Variants in DLGAP1 observed in about 807,000 individuals in gnomAD.
DLGAP1 encodes the protein disks large-associated protein 1.
DLGAP1 carries 11 observed loss-of-function variants against 90.8 expected under a neutral mutation model. The observed-to-expected ratio is 0.12, with a 90% confidence interval of 0.08 to 0.20. The LOEUF (loss-of-function observed/expected upper bound fraction) is 0.20, where lower values mean the gene tolerates loss of function less well. Among genes scored for constraint, DLGAP1 ranks in the 10% least tolerant of loss-of-function variants. DLGAP1 has a pLI of 1.00. For missense variants in DLGAP1, 1,050 were observed against 1,333.8 expected, an observed-to-expected ratio of 0.79 and a Z score of 3.31; for synonymous variants, 558 against 540.7, an observed-to-expected ratio of 1.03 and a Z score of -0.44.
At chr18:4,098,418 C>G (rs1297364795) in intron 2 of DLGAP1, among the ~76,000 whole-genome samples, 2 of 151,944 alleles carry the variant, frequency 1.3e-5, no homozygotes, top group African/African-American at 4.8e-5. Flanking sequence ...CTTTTATACC[C>G]CAGGAGATAA....
chr18:3,578,212 T>C (rs1314545433), intron 8 of DLGAP1, among the ~76,000 whole-genome samples: 1 of 152,154 alleles, frequency 6.6e-6, no homozygotes, highest in Admixed American at 6.5e-5. Context: ...ATGAATTAAA[T>C]GTAAAGTTTT....
chr18:4,452,280 G>C (rs2083853228), intron 1 of DLGAP1, among the ~76,000 whole-genome samples: 1 of 152,020 alleles, frequency 6.6e-6, no homozygotes, highest in Non-Finnish European at 1.5e-5. Context: ...CTCTGAATTT[G>C]AAATATTACG....
intron 7 of DLGAP1, among the ~76,000 whole-genome samples, chr18:3,592,843 CAAAAAAA>C (rs56871583): frequency 8.7e-3 from 369 of 42,600 alleles, no homozygotes; most frequent in East Asian, 0.023. Flanking sequence ...GACCCTGCCT[CAAAAAAA>C]AAAAAAAAAA....
chr18:3,909,865 T>C (rs1207079738), intron 3 of DLGAP1, among the ~76,000 whole-genome samples: 2 of 152,120 alleles, frequency 1.3e-5, no homozygotes, highest in Non-Finnish European at 2.9e-5. Context: ...CTTGCCTAGA[T>C]AATATGTTTA....
chr18:4,306,898 A>T (rs2080276156), intron 1 of DLGAP1, among the ~76,000 whole-genome samples: 1 of 152,108 alleles, frequency 6.6e-6, no homozygotes, highest in Admixed American at 6.5e-5. Context: ...GTTATAGGTA[A>T]ATGGTATAAA....
At chr18:4,007,048 G>C (rs182843796) in intron 2 of DLGAP1, among the ~76,000 whole-genome samples, 1 of 152,138 alleles carries the variant, frequency 6.6e-6, no homozygotes, top group Non-Finnish European at 1.5e-5. Context: ...GGAGTGAATG[G>C]GATAACAAGG....
chr18:4,387,922 A>ATC (rs200074222), intron 1 of DLGAP1, among the ~76,000 whole-genome samples: 2,388 of 31,550 alleles, frequency 0.076, 70 homozygotes, highest in East Asian at 0.24. Context: ...CAGAGACTCC[A>ATC]TCACACATAC....
intron 7 of DLGAP1, among the ~76,000 whole-genome samples, chr18:3,600,886 A>ATG (rs1491488302): frequency 2.7e-4 from 7 of 25,608 alleles, no homozygotes; most frequent in South Asian, 8.8e-4. Flanking sequence ...ATATAGATAG[A>ATG]TATATAGATA....
chr18:4,095,967 A>C (rs2075670902), intron 2 of DLGAP1, among the ~76,000 whole-genome samples: 1 of 152,170 alleles, frequency 6.6e-6, no homozygotes, highest in Non-Finnish European at 1.5e-5. Context: ...TGTTTACCTG[A>C]AACTGCCTGA....
chr18:3,507,016 G>A (rs1034546667), intron 11 of DLGAP1, among the ~76,000 whole-genome samples: 3 of 152,026 alleles, frequency 2.0e-5, no homozygotes, highest in South Asian at 2.1e-4. Context: ...AATTATAAAC[G>A]TGTGTGTATG....
chr18:3,619,510 T>A (rs1254373388), intron 7 of DLGAP1, among the ~76,000 whole-genome samples: 1 of 152,046 alleles, frequency 6.6e-6, no homozygotes, highest in Non-Finnish European at 1.5e-5. Flanking sequence ...GGAGACTGAG[T>A]AGGTGTTTGG....
intron 7 of DLGAP1, among the ~76,000 whole-genome samples, chr18:3,642,913 G>A (rs532622989): frequency 3.3e-5 from 5 of 152,264 alleles, no homozygotes; most frequent in East Asian, 1.9e-4. Context: ...GCTACTCTTC[G>A]ACACTTTCAC....
intron 3 of DLGAP1, among the ~76,000 whole-genome samples, chr18:3,992,268 T>C (rs1018372102): frequency 6.6e-5 from 10 of 152,250 alleles, no homozygotes; most frequent in African/African-American, 2.4e-4. Context: ...TAGGGAAGTC[T>C]GCAGGCCCTA....
intron 9 of DLGAP1, among the ~76,000 whole-genome samples, chr18:3,535,441 CT>C (rs1434372558): frequency 6.6e-6 from 1 of 152,056 alleles, no homozygotes; most frequent in African/African-American, 2.4e-5. Flanking sequence ...GGCGTGGTGG[CT>C]CACGCCCGTA....
intron 7 of DLGAP1, among the ~76,000 whole-genome samples, chr18:3,689,770 G>GA (rs200144789): frequency 2.9e-3 from 428 of 149,690 alleles, no homozygotes; most frequent in African/African-American, 9.9e-3. Context: ...TATGTCTTAA[G>GA]AAAAAAAAAA....
intron 1 of DLGAP1, among the ~76,000 whole-genome samples, chr18:4,205,585 T>C (rs1017568970): frequency 2.6e-5 from 4 of 152,220 alleles, no homozygotes; most frequent in Admixed American, 6.5e-5. Flanking sequence ...GTCAAATTCC[T>C]GGGCTTCAGT....
intron 2 of DLGAP1, among the ~76,000 whole-genome samples, chr18:4,030,384 G>A (rs2074776237): frequency 6.6e-6 from 1 of 152,192 alleles, no homozygotes; most frequent in South Asian, 2.1e-4. Context: ...AAACTTAACT[G>A]AAGTATACCC....
intron 1 of DLGAP1, among the ~76,000 whole-genome samples, chr18:4,248,911 T>A (rs2078714210): frequency 6.6e-6 from 1 of 152,216 alleles, no homozygotes. Flanking sequence ...CTGGTTCACA[T>A]GCAGTGCCTT....
At chr18:3,786,782 TA>T (rs1362904568) in intron 5 of DLGAP1, among the ~76,000 whole-genome samples, 1 of 152,180 alleles carries the variant, frequency 6.6e-6, no homozygotes, top group Non-Finnish European at 1.5e-5. Context: ...ATCTGTTGTA[TA>T]AAACAAGACA....
Sources: gnomAD v4.1 joint callset for allele counts (sites outside exome capture counted in the v4.1 genomes callset) on GRCh38, gnomAD v4.1.1 for gene constraint, MANE v1.5 for transcripts, NCBI Gene and HGNC (gene_info 2026-07-23, HGNC 2026-07-21) for gene names.